The following SLFNL1 variants were observed in gnomAD, a reference collection of about 807,000 sequenced individuals.
The protein encoded by SLFNL1 is schlafen like 1.
A neutral mutation model predicts 32.5 loss-of-function variants in SLFNL1; 26 were observed. That is an observed-to-expected ratio of 0.80 (90% CI 0.59 to 1.11). The LOEUF (loss-of-function observed/expected upper bound fraction) is 1.11. Among genes scored for constraint, SLFNL1 ranks in the 50% least tolerant of loss-of-function variants. The pLI is 0.00. For missense variants in SLFNL1, 553 were observed against 546.5 expected (o/e 1.01, Z -0.12); for synonymous variants, 255 against 242.2 (o/e 1.05, Z -0.49).
rs571291332 is a variant in SLFNL1 at position 41,017,861 on chromosome 1, C to T, written c.731G>A (p.Arg244Gln). The T allele has an allele frequency of 4.4e-5, 70 of 1,605,864 alleles. No homozygotes were observed. The highest frequency in any genetic ancestry group is 4.3e-4 in the Admixed American group (26 of 59,780). Residue 244 changes from arginine (R) to glutamine (Q), a missense_variant, in exon 4 of 6, where the codon CGG (arginine) becomes CAG (glutamine). By Grantham distance (43) the Arg-to-Gln change is conservative. Coordinates refer to ENST00000302946, the MANE Select transcript of SLFNL1 (RefSeq NM_144990.4). The surrounding 1 kb of genome is among the most constrained non-coding windows in gnomAD (Gnocchi z 4.9). Reference sequence around the variant, plus strand: ...GTTGAGGAAGGCGCACACGTAGCGCCGCACGTGGTGCTTGAAGGCCAGGCT... The same window carrying T: ...GTTGAGGAAGGCGCACACGTAGCGCTGCACGTGGTGCTTGAAGGCCAGGCT... ...YLSLAFKHHVRRYVCAFLNSE... is the reference protein window; with the variant it reads ...YLSLAFKHHVQRYVCAFLNSE...
chr1:41,016,515 A>T (rs1643340383), intron 5 of SLFNL1: 2 of 402,538 alleles, frequency 5.0e-6, no homozygotes, highest in South Asian at 6.0e-5. Flanking sequence ...CTCTTGAAAA[A>T]GCTCTTCCTT....
Position 41,020,733 on chromosome 1 carries a change from A to C in SLFNL1, c.-73T>G. 3 of 1,455,490 alleles carry C rather than the reference A, an allele frequency of 2.1e-6. No homozygotes were observed. Among genetic ancestry groups the C allele is most frequent in the Non-Finnish European group, 2.8e-6 (3 of 1,067,874 alleles). 90.2% of individuals were successfully genotyped at this position (1,455,490 alleles called of 1,614,324 possible). On this transcript the variant is annotated 5_prime_UTR_variant, in exon 3 of 6. Coordinates refer to ENST00000302946, the MANE Select transcript of SLFNL1 (RefSeq NM_144990.4). ...TGCTTCTCCCAGGGTCTGTGTTCTCAGTGTGGCTTAAGGGCTCCCAGAGGA... is the reference window on the plus strand; with the variant it reads ...TGCTTCTCCCAGGGTCTGTGTTCTCCGTGTGGCTTAAGGGCTCCCAGAGGA...
In SLFNL1 at chr1:41,017,120, G is replaced by T; in HGVS notation, c.1101+114C>A. The T allele has an allele frequency of 7.6e-7, 1 of 1,308,760 alleles. No homozygotes were observed. Among genetic ancestry groups the T allele is most frequent in the Non-Finnish European group, 1.0e-6 (1 of 982,062 alleles). The allele number at this position is 1,308,760 out of a possible 1,614,324, so 81.1% of individuals were successfully genotyped here. A position where few individuals can be genotyped will look rare whatever the true frequency, so the allele number is the denominator to read the frequency against. On this transcript the variant is annotated intron_variant, in intron 5 of 5. Coordinates refer to ENST00000302946, the MANE Select transcript of SLFNL1 (RefSeq NM_144990.4). The surrounding 1 kb of genome is among the most constrained non-coding windows in gnomAD (Gnocchi z 4.9). ...TATTCCAACCCCTTGGGTTCAACGG[G>T]GTGATGCAGGACCCAGGGAACCATG... is the stretch of plus-strand genomic sequence containing the variant.
rs201539380 is a variant in SLFNL1 at position 41,020,594 on chromosome 1, C to G, written c.67G>C (p.Glu23Gln). The stretch of plus-strand genomic sequence containing the variant: ...TCTGCGGGTAGCTCCGGCAGGGACT[C>G]CTCACCCCAGGACTCCATGAAGGGC... ...SEPFMESWGE[E>Q]SLPELPAEQS... Residue 23 changes from glutamate to glutamine, a missense_variant, in exon 3 of 6, where the codon GAG becomes CAG. Coordinates refer to ENST00000302946, the MANE Select transcript of SLFNL1 (RefSeq NM_144990.4). The G allele has an allele frequency of 1.9e-6, 3 of 1,613,336 alleles. No homozygotes were observed. The highest frequency in any genetic ancestry group is 1.1e-5 in the South Asian group (1 of 91,082).
Position 41,017,849 on chromosome 1 carries a change from C to T in SLFNL1, c.743G>A (p.Cys248Tyr). The T allele has an allele frequency of 1.2e-6, 2 of 1,601,992 alleles. No homozygotes were observed. Among genetic ancestry groups the T allele is most frequent in the Non-Finnish European group, 1.7e-6 (2 of 1,171,154 alleles). The change falls in exon 4 of 6, where the codon TGC becomes TAC. Residue 248 changes from cysteine (C) to tyrosine (Y), a missense_variant. Transcript: ENST00000302946. This position sits in a 1 kb window ranked among gnomAD's most constrained non-coding sequence, Gnocchi z 4.9. ...AFKHHVRRYV[C>Y]AFLNSEGGSL... Reference sequence around the variant, plus strand: ...GCCGCCCTCGCTGTTGAGGAAGGCGCACACGTAGCGCCGCACGTGGTGCTT... The same window carrying T: ...GCCGCCCTCGCTGTTGAGGAAGGCGTACACGTAGCGCCGCACGTGGTGCTT...
chr1:41,017,559 G>T lies in SLFNL1; in HGVS notation c.957+76C>A, dbSNP rs1267606437. ...CCCGTCCCTGCCCCAGCACTGCCTG[G>T]CAGGAGTGCAGGCCATCGTCTTACT... On this transcript the variant is annotated intron_variant, in intron 4 of 5. Coordinates refer to ENST00000302946, the MANE Select transcript of SLFNL1 (RefSeq NM_144990.4). This position sits in a 1 kb window ranked among gnomAD's most constrained non-coding sequence, Gnocchi z 4.9. 6.0e-6 allele frequency: 9 copies of T among 1,495,730 alleles called. No individual in the cohort carries two copies. Among genetic ancestry groups the T allele is most frequent in the Non-Finnish European group, 8.0e-6 (9 of 1,120,770 alleles). The allele number at this position is 1,495,730 out of a possible 1,614,324, so 92.7% of individuals were successfully genotyped here.
In SLFNL1 at chr1:41,017,549, G is replaced by C; in HGVS notation, c.957+86C>G. On this transcript the variant is annotated intron_variant, in intron 4 of 5. Transcript: ENST00000302946. This position sits in a 1 kb window ranked among gnomAD's most constrained non-coding sequence, Gnocchi z 4.9. ...GGCCCCCAGTCCCGTCCCTGCCCCA[G>C]CACTGCCTGGCAGGAGTGCAGGCCA... 1.3e-6 allele frequency: 2 copies of C among 1,493,518 alleles called. No homozygotes were observed. The highest frequency in any genetic ancestry group is 1.3e-5 in the South Asian group (1 of 74,372). 92.5% of individuals were successfully genotyped at this position (1,493,518 alleles called of 1,614,324 possible).
Position 41,020,371 on chromosome 1 carries a change from T to G in SLFNL1, c.290A>C (p.Gln97Pro), listed in dbSNP as rs1197553493. ...CAGGGTGTCCCTGTGGACAGTCACC[T>G]GCACCAGTGCATAGGCCTTCCGCGG... ...RRPRKAYALVQVTVHRDTLAS... is the reference protein window; with the variant it reads ...RRPRKAYALVPVTVHRDTLAS... Residue 97 changes from glutamine (Q) to proline (P), a missense_variant, in exon 3 of 6, where the codon CAG (glutamine) becomes CCG (proline). Transcript: ENST00000302946. The G allele has an allele frequency of 6.2e-7, 1 of 1,613,384 alleles. No homozygotes were observed. Among genetic ancestry groups the G allele is most frequent in the Admixed American group, 1.7e-5 (1 of 60,034 alleles).
rs779190149 is a variant in SLFNL1 at position 41,016,208 on chromosome 1, G to A, written c.1122C>T (p.Gly374=). 2 of 1,614,054 alleles carry A rather than the reference G, an allele frequency of 1.2e-6. No homozygotes were observed. Among genetic ancestry groups the A allele is most frequent in the South Asian group, 2.2e-5 (2 of 91,062 alleles). The change falls in exon 6 of 6, where the codon GGC becomes GGT. Residue 374 remains glycine (G), a synonymous_variant. Transcript: ENST00000302946. ...GCGCCTTCATCTTCTCTTCCAGCTTGCCCAGCTCCACCAGCCACCTCTGAG... is the reference window on the plus strand; with the variant it reads ...GCGCCTTCATCTTCTCTTCCAGCTTACCCAGCTCCACCAGCCACCTCTGAG... ...WCRQRWLVEL[G]KLEEKMKALM...
chr1:41,017,974 G>A lies in SLFNL1; in HGVS notation c.618C>T (p.Ile206=), dbSNP rs757413470. The A allele has an allele frequency of 5.6e-6, 9 of 1,610,556 alleles. No homozygotes were observed. Among genetic ancestry groups the A allele is most frequent in the Admixed American group, 3.4e-5 (2 of 59,692 alleles). Residue 206 remains isoleucine (I), a synonymous_variant, in exon 4 of 6, where the codon ATC becomes ATT. Coordinates refer to ENST00000302946, the MANE Select transcript of SLFNL1 (RefSeq NM_144990.4). The surrounding 1 kb of genome is among the most constrained non-coding windows in gnomAD (Gnocchi z 4.9). ...CSDSAIVHQQ[I]VGKDQLFQGA... Reference sequence around the variant, plus strand: ...CCTGGAAGAGCTGGTCCTTGCCCACGATCTGCTGGTGCACAATGGCACTGT... The same window carrying A: ...CCTGGAAGAGCTGGTCCTTGCCCACAATCTGCTGGTGCACAATGGCACTGT...
Position 41,015,963 on chromosome 1 carries a change from C to T in SLFNL1, c.*143G>A. ...GTCAGGGTTGAAGCCACATGGGTGCCTGCTCATGTGCCATGTTGAAGGAGT... is the reference window on the plus strand; with the variant it reads ...GTCAGGGTTGAAGCCACATGGGTGCTTGCTCATGTGCCATGTTGAAGGAGT... On this transcript the variant is annotated 3_prime_UTR_variant, in exon 6 of 6. Transcript: ENST00000302946. 8.7e-7 allele frequency: 1 copy of T among 1,151,782 alleles called. No homozygotes were observed. Among genetic ancestry groups the T allele is most frequent in the Admixed American group, 2.4e-5 (1 of 41,448 alleles). 71.3% of individuals were successfully genotyped at this position (1,151,782 alleles called of 1,614,324 possible).
Position 41,018,073 on chromosome 1 carries a change from T to G in SLFNL1, c.519A>C (p.Thr173=). 1 of 1,574,016 alleles carries G rather than the reference T, an allele frequency of 6.4e-7. No individual in the cohort carries two copies. Among genetic ancestry groups the G allele is most frequent in the South Asian group, 1.1e-5 (1 of 87,212 alleles). Residue 173 remains threonine (T), a synonymous_variant, in exon 4 of 6, where the codon ACA becomes ACC. Coordinates refer to ENST00000302946, the MANE Select transcript of SLFNL1 (RefSeq NM_144990.4). ...GSGVPLPTWP[T]HTLPDRPQAQ... ...CCTGGGGCCTATCAGGCAGCGTGTG[T>G]GTAGGCCAGGTGGGCAGCGGGACAC... is the stretch of plus-strand genomic sequence containing the variant.
At chr1:41,019,236 G>A (rs1348141581) in intron 3 of SLFNL1, among the ~76,000 whole-genome samples, 1 of 152,132 alleles carries the variant, frequency 6.6e-6, no homozygotes, top group Non-Finnish European at 1.5e-5. Context: ...CAGCCCTGCA[G>A]CTCCCCAGAG....
At position 41,017,286 on chromosome 1, in the gene SLFNL1, C is replaced by T. The variant is rs771731145; in HGVS notation, c.1049G>A (p.Gly350Glu). Residue 350 changes from glycine to glutamate, a missense_variant, in exon 5 of 6, where the codon GGG becomes GAG. Gly to Glu is a moderately conservative substitution (Grantham distance 98). Coordinates refer to ENST00000302946, the MANE Select transcript of SLFNL1 (RefSeq NM_144990.4). The surrounding 1 kb of genome is among the most constrained non-coding windows in gnomAD (Gnocchi z 4.9). ...DQGEVFLRRD[G>E]SIQGPLSASA... ...GGCAGACAGCGGGCCCTGGATGCTC[C>T]CGTCGCGCCGCAGAAACACCTCCCC... is the stretch of plus-strand genomic sequence containing the variant. 1.2e-6 allele frequency: 2 copies of T among 1,610,032 alleles called. No homozygotes were observed. Among genetic ancestry groups the T allele is most frequent in the Non-Finnish European group, 1.7e-6 (2 of 1,178,626 alleles).
chr1:41,016,287 C>T, intron 5 of SLFNL1, 59 bp from the exon 6 acceptor site: 1 of 1,576,864 alleles, frequency 6.3e-7, no homozygotes, highest in Non-Finnish European at 8.6e-7. Flanking sequence ...CCTGTCCGTC[C>T]TCCACCTGGG....
At position 41,015,956 on chromosome 1, in the gene SLFNL1, T is replaced by C; in HGVS notation, c.*150A>G. ...TGGGTCTGTCAGGGTTGAAGCCACATGGGTGCCTGCTCATGTGCCATGTTG... is the reference window on the plus strand; with the variant it reads ...TGGGTCTGTCAGGGTTGAAGCCACACGGGTGCCTGCTCATGTGCCATGTTG... On this transcript the variant is annotated 3_prime_UTR_variant, in exon 6 of 6. Coordinates refer to ENST00000302946, the MANE Select transcript of SLFNL1 (RefSeq NM_144990.4). 1 of 1,077,880 alleles carries C rather than the reference T, an allele frequency of 9.3e-7. No homozygotes were observed. 66.8% of individuals were successfully genotyped at this position (1,077,880 alleles called of 1,614,324 possible).
At position 41,017,945 on chromosome 1, in the gene SLFNL1, G is replaced by T. The variant is rs1399306061; in HGVS notation, c.647C>A (p.Ala216Asp). The change falls in exon 4 of 6, where the codon GCC becomes GAC. Residue 216 changes from alanine to aspartate, a missense_variant. By Grantham distance (126) the Ala-to-Asp change is moderately radical (BLOSUM62 -2). Transcript: ENST00000302946. This position sits in a 1 kb window ranked among gnomAD's most constrained non-coding sequence, Gnocchi z 4.9. The part of the protein sequence containing the change: ...IVGKDQLFQG[A>D]FLGSETRNME... ...ATTGCGGGTCTCGCTGCCCAGGAAG[G>T]CACCCTGGAAGAGCTGGTCCTTGCC... The T allele has an allele frequency of 6.2e-7, 1 of 1,612,116 alleles. No homozygotes were observed. The highest frequency in any genetic ancestry group is 1.1e-5 in the South Asian group (1 of 91,026).
At chr1:41,019,741 C>T (rs993714844) in intron 3 of SLFNL1, among the ~76,000 whole-genome samples, 6 of 152,236 alleles carry the variant, frequency 3.9e-5, no homozygotes, top group Admixed American at 1.3e-4. Flanking sequence ...TGTCTTCTCT[C>T]ACAGCTCTGA....
chr1:41,018,152 T>TCC lies in SLFNL1; in HGVS notation c.439_440insGG (p.Lys147ArgfsTer11), dbSNP rs1643508389. The TCC allele has an allele frequency of 6.7e-7, 1 of 1,483,074 alleles. No homozygotes were observed. The highest frequency in any genetic ancestry group is 2.3e-5 in the Admixed American group (1 of 43,284). 91.9% of individuals were successfully genotyped at this position (1,483,074 alleles called of 1,614,324 possible). On this transcript the variant is annotated frameshift_variant, in exon 4 of 6. Transcript: ENST00000302946. LOFTEE classifies it high-confidence loss of function. ...GCCACTGTCCTCCTCCTCCTCCTCC[T>TCC]TCTCCTAGGGTGGTAGTCAAGAATG...
Sources: allele counts gnomAD v4.1 joint callset (sites outside exome capture counted in the v4.1 genomes callset), GRCh38; gene constraint gnomAD v4.1.1; non-coding constraint Gnocchi (gnomAD v3.1); transcripts MANE v1.5; gene names NCBI Gene and HGNC (gene_info 2026-07-23, HGNC 2026-07-21).